PIEZO1: variants seen among roughly 807,000 people sequenced by gnomAD.
The protein encoded by PIEZO1 is piezo-type mechanosensitive ion channel component 1.
Under a neutral mutation model 297.2 loss-of-function variants are expected in PIEZO1, and 296 were observed. The ratio of observed to expected loss-of-function variants is 1.00; its 90% CI spans 0.91 to 1.10. PIEZO1 has a LOEUF of 1.10. Among genes scored for constraint, PIEZO1 ranks in the 50% least tolerant of loss-of-function variants. PIEZO1 has a pLI of 0.00. For missense variants in PIEZO1, 5,018 were observed against 3,455.5 expected (o/e 1.45, Z -11.34); for synonymous variants, 2,427 against 1,507.5 (o/e 1.61, Z -14.13).
intron 1 of PIEZO1, among the ~76,000 whole-genome samples, chr16:88,760,842 G>A (rs907994579): frequency 2.6e-5 from 4 of 152,272 alleles, no homozygotes; most frequent in Non-Finnish European, 5.9e-5. Flanking sequence ...GCACTGAGGA[G>A]CTTCTGGACC....
In PIEZO1 at chr16:88,721,197, C is replaced by CTCCTTCT. The variant is rs1567661011; in HGVS notation, c.5630_5636dup (p.Gly1880GlufsTer15). 1.3e-6 allele frequency: 2 copies of CTCCTTCT among 1,498,434 alleles called. No homozygotes were observed. Among genetic ancestry groups the CTCCTTCT allele is most frequent in the Non-Finnish European group, 1.8e-6 (2 of 1,119,458 alleles). 92.8% of individuals were successfully genotyped at this position (1,498,434 alleles called of 1,614,324 possible). ...CTGCCGCTCCTTTCCGTGCTGGGCCCTCCTTCTTCCTTCTTCTAAAACGTA... is the reference window on the plus strand; with the variant it reads ...CTGCCGCTCCTTTCCGTGCTGGGCCCTCCTTCTTCCTTCTTCCTTCTTCTAAAACGTA... On this transcript the variant is annotated frameshift_variant, in exon 39 of 51. Coordinates refer to ENST00000301015, the MANE Select transcript of PIEZO1 (RefSeq NM_001142864.4). LOFTEE classifies it high-confidence loss of function.
chr16:88,761,843 T>C (rs1459741206), intron 1 of PIEZO1, among the ~76,000 whole-genome samples: 1 of 151,790 alleles, frequency 6.6e-6, no homozygotes, highest in Non-Finnish European at 1.5e-5. Flanking sequence ...TTTTCTGTGC[T>C]GGGCTCCCCT....
intron 1 of PIEZO1, among the ~76,000 whole-genome samples, chr16:88,782,076 C>G (rs1363496793): frequency 6.6e-6 from 1 of 152,202 alleles, no homozygotes; most frequent in African/African-American, 2.4e-5. Context: ...ACTGGAGGTG[C>G]GGTCCCATAT....
Position 88,737,666 on chromosome 16 carries a change from A to G in PIEZO1, c.1108-20T>C. On this transcript the variant is annotated intron_variant, in intron 9 of 50. Coordinates refer to ENST00000301015, the MANE Select transcript of PIEZO1 (RefSeq NM_001142864.4). ...CACGTGCTGTGGGCAAGCAGCGCTG[A>G]GCCATGCACGGGCTGGCCGGGCGCC... 3 of 1,533,108 alleles carry G rather than the reference A, an allele frequency of 2.0e-6. No homozygotes were observed. The highest frequency in any genetic ancestry group is 2.6e-6 in the Non-Finnish European group (3 of 1,144,750). 95.0% of individuals were successfully genotyped at this position (1,533,108 alleles called of 1,614,324 possible).
At position 88,737,933 on chromosome 16, in the gene PIEZO1, C is replaced by G. The variant is rs1445997747; in HGVS notation, c.1020+1G>C. 6.5e-7 allele frequency: 1 copy of G among 1,529,982 alleles called. No homozygotes were observed. Among genetic ancestry groups the G allele is most frequent in the African/African-American group, 1.4e-5 (1 of 72,936 alleles). 94.8% of individuals were successfully genotyped at this position (1,529,982 alleles called of 1,614,324 possible). A position where few individuals can be genotyped will look rare whatever the true frequency, so the allele number is the denominator to read the frequency against. Reference sequence around the variant, plus strand: ...ACCCACCATGGGTGGCAGGTGCTCACCTGGCCGGAGGGGCGGTACGCGCGG... The same window carrying G: ...ACCCACCATGGGTGGCAGGTGCTCAGCTGGCCGGAGGGGCGGTACGCGCGG... On this transcript the variant is annotated splice_donor_variant, in intron 8 of 50. Coordinates refer to ENST00000301015, the MANE Select transcript of PIEZO1 (RefSeq NM_001142864.4). LOFTEE classifies it high-confidence loss of function.
Position 88,721,380 on chromosome 16 carries a change from G to C in PIEZO1, c.5454C>G (p.Asp1818Glu), listed in dbSNP as rs1479651553. The change falls in exon 39 of 51, where the codon GAC becomes GAG. Residue 1818 changes from aspartate to glutamate, a missense_variant. Physicochemically the swap from Asp to Glu is conservative, Grantham distance 45. Transcript: ENST00000301015. ...HEEDSPSKEH[D>E]KSGEEEQGAE... Reference sequence around the variant, plus strand: ...CTCCCTGCTCCTCCTCGCCGCTCTTGTCATGCTCCTTGGATGGTGAGTCCT... The same window carrying C: ...CTCCCTGCTCCTCCTCGCCGCTCTTCTCATGCTCCTTGGATGGTGAGTCCT... 3 of 1,549,726 alleles carry C rather than the reference G, an allele frequency of 1.9e-6. No individual in the cohort carries two copies. The highest frequency in any genetic ancestry group is 1.4e-5 in the African/African-American group (1 of 72,996).
At chr16:88,774,254 G>C (rs9936403) in intron 1 of PIEZO1, among the ~76,000 whole-genome samples, 43,159 of 152,182 alleles carry the variant, frequency 0.28, 7,059 homozygotes, top group East Asian at 0.42. Flanking sequence ...GGTCCAGCCT[G>C]GTGATACATG....
chr16:88,732,289 C>A (rs375531314), intron 21 of PIEZO1, 46 bp downstream of exon 21: 1 of 1,503,360 alleles, frequency 6.7e-7, no homozygotes, highest in Non-Finnish European at 9.0e-7. Flanking sequence ...CCCTCCCTCC[C>A]GAAGGCCAAG....
At chr16:88,745,843 G>A (rs915500901) in intron 2 of PIEZO1, 4 of 151,988 alleles carry the variant, frequency 2.6e-5, no homozygotes, top group African/African-American at 7.3e-5. Flanking sequence ...CCAGGGTATT[G>A]CAGACCGGAT....
chr16:88,767,190 G>C lies in PIEZO1; in HGVS notation c.64+17711C>G, dbSNP rs141029068. 2.5e-3 allele frequency among the ~76,000 whole-genome samples: 376 copies of C among 152,242 alleles called. 6 individuals carry two copies. The highest frequency in any genetic ancestry group is 8.6e-3 in the African/African-American group (357 of 41,530). On this transcript the variant is annotated intron_variant, in intron 1 of 50. Coordinates refer to ENST00000301015, the MANE Select transcript of PIEZO1 (RefSeq NM_001142864.4). Reference sequence around the variant, plus strand: ...TCCTCCCCCTTCCCAGAAGGAAACGGTCTCATGAGTCTCGGGACATCCTTA... The same window carrying C: ...TCCTCCCCCTTCCCAGAAGGAAACGCTCTCATGAGTCTCGGGACATCCTTA...
intron 5 of PIEZO1, 40 bp downstream of exon 5, chr16:88,741,437 GA>G: frequency 6.7e-7 from 1 of 1,493,586 alleles, no homozygotes; most frequent in Non-Finnish European, 8.9e-7. Context: ...CACAGCTCTC[GA>G]ATGACCTCCC....
chr16:88,733,688 G>T lies in PIEZO1; in HGVS notation c.2387C>A (p.Ser796Ter). ...CACCTGCACGCGTGAGAGGACGTCC[G>T]AGAAGCCGGCTGCCAGCTCCAGCAG... is the stretch of plus-strand genomic sequence containing the variant. ...ERLLELAAGF[S>*]DVLSRVQVFL... The change falls in exon 18 of 51, where the codon TCG becomes TAG. Residue 796 changes from serine to a stop codon, truncating the protein, a stop_gained. Transcript: ENST00000301015. LOFTEE classifies it high-confidence loss of function. 1 of 1,549,140 alleles carries T rather than the reference G, an allele frequency of 6.5e-7. No homozygotes were observed. The highest frequency in any genetic ancestry group is 8.7e-7 in the Non-Finnish European group (1 of 1,146,384).
At chr16:88,758,805 C>G (rs747326755) in intron 1 of PIEZO1, among the ~76,000 whole-genome samples, 3 of 152,248 alleles carry the variant, frequency 2.0e-5, no homozygotes, top group South Asian at 2.1e-4. Context: ...TCCCTCCTCA[C>G]AGGATTGTCG....
At position 88,726,438 on chromosome 16, in the gene PIEZO1, T is replaced by C. The variant is rs766127974; in HGVS notation, c.3814A>G (p.Arg1272Gly). ...GYYDPKEMMD[R>G]DQDCLLPVEE... ...ACAGGCAGCAGGCAGTCCTGGTCTC[T>C]GTCCATCATCTCCTTGGCTGCAAGG... The change falls in exon 27 of 51, where the codon AGA (arginine) becomes GGA (glycine). Residue 1272 changes from arginine to glycine, a missense_variant. Physicochemically the swap from Arg to Gly is moderately radical, Grantham distance 125. Coordinates refer to ENST00000301015, the MANE Select transcript of PIEZO1 (RefSeq NM_001142864.4). 8 of 1,550,206 alleles carry C rather than the reference T, an allele frequency of 5.2e-6. No individual in the cohort carries two copies. The highest frequency in any genetic ancestry group is 4.4e-6 in the Non-Finnish European group (5 of 1,146,836).
At position 88,726,334 on chromosome 16, in the gene PIEZO1, G is replaced by C; in HGVS notation, c.3918C>G (p.Tyr1306Ter). 1 of 1,550,428 alleles carries C rather than the reference G, an allele frequency of 6.4e-7. No individual in the cohort carries two copies. Among genetic ancestry groups the C allele is most frequent in the Non-Finnish European group, 8.7e-7 (1 of 1,146,938 alleles). ...GGAGGTCGGCCCTGACGTGCAGGTA[G>C]TAATGGCTAAGGAAGACGCGGCGCT... ...LLQRRVFLSH[Y>*]YLHVRADLQA... Residue 1306 changes from tyrosine to a stop codon, truncating the protein, a stop_gained, in exon 27 of 51, where the codon TAC (tyrosine) becomes TAG (stop). Coordinates refer to ENST00000301015, the MANE Select transcript of PIEZO1 (RefSeq NM_001142864.4). LOFTEE classifies it high-confidence loss of function.
rs1006912136 is a variant in PIEZO1 at position 88,755,512 on chromosome 16, A to G, written c.65-6033T>C. Reference sequence around the variant, plus strand: ...TCCCAGGGCACGATACGAGCCCCAGATCGGGCGTTTGGGTTCAGAGCTCTA... The same window carrying G: ...TCCCAGGGCACGATACGAGCCCCAGGTCGGGCGTTTGGGTTCAGAGCTCTA... On this transcript the variant is annotated intron_variant, in intron 1 of 50. Coordinates refer to ENST00000301015, the MANE Select transcript of PIEZO1 (RefSeq NM_001142864.4). 1.2e-4 allele frequency among the ~76,000 whole-genome samples: 18 copies of G among 152,308 alleles called. No homozygotes were observed. In the East Asian group the frequency reaches 2.9e-3, roughly 24 times the overall value.
At chr16:88,751,689 TC>T (rs1906397920) in intron 1 of PIEZO1, among the ~76,000 whole-genome samples, 1 of 137,502 alleles carries the variant, frequency 7.3e-6, no homozygotes, top group Admixed American at 7.3e-5. Context: ...AAAAAAAAAA[TC>T]CCTAAGATCT....
At chr16:88,750,520 G>A (rs991464978) in intron 1 of PIEZO1, among the ~76,000 whole-genome samples, 3 of 152,172 alleles carry the variant, frequency 2.0e-5, no homozygotes, top group Non-Finnish European at 2.9e-5. Flanking sequence ...GAAGGTCCCG[G>A]GGCCTGGCCT....
At chr16:88,725,104 G>T (rs1243412050) in intron 29 of PIEZO1, 24 bp from the exon 30 acceptor site, 1 of 1,488,738 alleles carries the variant, frequency 6.7e-7, no homozygotes, top group African/African-American at 1.4e-5. Flanking sequence ...GGGTGAGCAT[G>T]AGGCAGCAGT....
Sources: allele counts gnomAD v4.1 joint callset (sites outside exome capture counted in the v4.1 genomes callset), GRCh38; gene constraint gnomAD v4.1.1; transcripts MANE v1.5; gene names NCBI Gene and HGNC (gene_info 2026-07-23, HGNC 2026-07-21).